The following SUPT3H variants were observed in gnomAD, a reference collection of about 807,000 sequenced individuals.
SUPT3H encodes SPT3 homolog, SAGA and STAGA complex component.
SUPT3H carries 44 observed loss-of-function variants against 44.3 expected under a neutral mutation model. The observed-to-expected ratio is 0.99, with a 90% CI of 0.78 to 1.28. The LOEUF is 1.28. Ranked by LOEUF, SUPT3H falls within the 50% of genes most tolerant of loss-of-function variation. The pLI, the probability that SUPT3H is intolerant of heterozygous loss-of-function variation, is 0.00. For missense variants in SUPT3H, 380 were observed against 387.1 expected (o/e 0.98, Z 0.15); for synonymous variants, 124 against 125.6 (o/e 0.99, Z 0.09).
At chr6:44,826,276 C>T (rs1286868090), downstream of SUPT3H, among the ~76,000 whole-genome samples, 2 of 152,216 alleles carry the variant, frequency 1.3e-5, no homozygotes, top group African/African-American at 4.8e-5. Context: ...TCCACAAAAA[C>T]TGCTAGAGTT....
chr6:45,243,295 TAAG>T (rs978198717), intron 2 of SUPT3H, among the ~76,000 whole-genome samples: 21 of 150,820 alleles, frequency 1.4e-4, no homozygotes, highest in African/African-American at 4.9e-4. Flanking sequence ...AAAAGAATCT[TAAG>T]AAAACTTCTA....
chr6:45,323,452 A>T (rs1018246956), intron 2 of SUPT3H, among the ~76,000 whole-genome samples: 16 of 152,032 alleles, frequency 1.1e-4, no homozygotes, highest in African/African-American at 3.9e-4. Context: ...TAACCTCCCT[A>T]CAGTAAAGCA....
chr6:44,860,565 C>T (rs1463436904), intron 10 of SUPT3H, among the ~76,000 whole-genome samples: 1 of 152,198 alleles, frequency 6.6e-6, no homozygotes, highest in Non-Finnish European at 1.5e-5. Flanking sequence ...TCTTATTCAA[C>T]TGCTTTTGCC....
intron 8 of SUPT3H, 117 bp downstream of exon 8, chr6:44,954,378 G>T: frequency 1.3e-6 from 1 of 791,726 alleles, no homozygotes; most frequent in Admixed American, 2.0e-5. Flanking sequence ...AATGCCACAG[G>T]AGAGAATTCA....
chr6:45,083,951 T>A (rs1397345745), intron 3 of SUPT3H, among the ~76,000 whole-genome samples: 2 of 152,188 alleles, frequency 1.3e-5, no homozygotes, highest in Admixed American at 1.3e-4. Context: ...TGCAGAAGAA[T>A]GAAACTGGAC....
chr6:45,184,631 GA>G (rs1813851752), intron 2 of SUPT3H, among the ~76,000 whole-genome samples: 1 of 151,820 alleles, frequency 6.6e-6, no homozygotes, highest in Admixed American at 6.6e-5. Context: ...CTGAAAGGTA[GA>G]AAAAAAGAAG....
At chr6:45,011,823 C>A (rs2153511917) in intron 5 of SUPT3H, among the ~76,000 whole-genome samples, 1 of 151,956 alleles carries the variant, frequency 6.6e-6, no homozygotes, top group South Asian at 2.1e-4. Context: ...TTATTTGGTG[C>A]AGCTTGCTTT....
intron 2 of SUPT3H, among the ~76,000 whole-genome samples, chr6:45,221,972 A>G (rs1439202167): frequency 6.6e-6 from 1 of 152,154 alleles, no homozygotes; most frequent in Non-Finnish European, 1.5e-5. Flanking sequence ...GAAATGGACC[A>G]AGCAAATAAT....
chr6:45,140,826 C>T (rs899303540), intron 2 of SUPT3H, among the ~76,000 whole-genome samples: 1 of 152,132 alleles, frequency 6.6e-6, no homozygotes, highest in Admixed American at 6.6e-5. Context: ...GTCTGACTCT[C>T]AGGAAGCCCC....
At chr6:44,884,161 C>T (rs1047319202) in intron 10 of SUPT3H, among the ~76,000 whole-genome samples, 1 of 151,974 alleles carries the variant, frequency 6.6e-6, no homozygotes, top group Admixed American at 6.6e-5. Context: ...AACAAATTTA[C>T]AAGAAAAAAG....
At chr6:45,371,583 T>C (rs993987797) in intron 1 of SUPT3H, among the ~76,000 whole-genome samples, 1 of 152,214 alleles carries the variant, frequency 6.6e-6, no homozygotes, top group Non-Finnish European at 1.5e-5. Context: ...ATTTTAGTGC[T>C]TTAGTTTTTT....
At chr6:45,278,430 T>A (rs1315694716) in intron 2 of SUPT3H, among the ~76,000 whole-genome samples, 1 of 152,182 alleles carries the variant, frequency 6.6e-6, no homozygotes, top group Admixed American at 6.5e-5. Flanking sequence ...ATTATCCTAT[T>A]CCACAAAAGC....
chr6:44,983,700 T>C (rs1050832131), intron 6 of SUPT3H, among the ~76,000 whole-genome samples: 1 of 152,194 alleles, frequency 6.6e-6, no homozygotes, highest in Non-Finnish European at 1.5e-5. Flanking sequence ...ACTAATATAG[T>C]ATTTAAATAT....
At chr6:45,318,042 A>G (rs1186825510) in intron 2 of SUPT3H, among the ~76,000 whole-genome samples, 1 of 152,170 alleles carries the variant, frequency 6.6e-6, no homozygotes, top group Non-Finnish European at 1.5e-5. Context: ...CCTCACCCTC[A>G]GGAATAGATT....
chr6:45,218,542 C>A (rs1765462488), intron 2 of SUPT3H, among the ~76,000 whole-genome samples: 1 of 152,140 alleles, frequency 6.6e-6, no homozygotes. Flanking sequence ...CCAGCCTGAC[C>A]AACATGGAGA....
chr6:44,879,172 C>T (rs548954076), intron 10 of SUPT3H, among the ~76,000 whole-genome samples: 1 of 152,356 alleles, frequency 6.6e-6, no homozygotes, highest in Non-Finnish European at 1.5e-5. Context: ...CTAAGATCCA[C>T]TGGCTTGAAA....
At chr6:45,287,447 C>T (rs972134580) in intron 2 of SUPT3H, among the ~76,000 whole-genome samples, 11 of 152,204 alleles carry the variant, frequency 7.2e-5, no homozygotes, top group East Asian at 3.9e-4. Context: ...AATTCTGTAA[C>T]ACACTACAAT....
chr6:45,355,583 A>T (rs564647177), intron 2 of SUPT3H, among the ~76,000 whole-genome samples: 6 of 152,264 alleles, frequency 3.9e-5, no homozygotes, highest in African/African-American at 1.4e-4. Context: ...ACTCAGATGT[A>T]GCATTATTTT....
chr6:45,274,334 T>C (rs533860703), intron 2 of SUPT3H, among the ~76,000 whole-genome samples: 1 of 152,352 alleles, frequency 6.6e-6, no homozygotes, highest in East Asian at 1.9e-4. Flanking sequence ...GCTTGTTATA[T>C]CTAAGAATGC....
Sources: allele counts gnomAD v4.1 joint callset (sites outside exome capture counted in the v4.1 genomes callset), GRCh38; gene constraint gnomAD v4.1.1; transcripts MANE v1.5; gene names NCBI Gene and HGNC (gene_info 2026-07-23, HGNC 2026-07-21).